Variants in PHF20 observed in about 807,000 individuals in gnomAD.
The protein encoded by PHF20 is PHD finger protein 20.
Under a neutral mutation model 113.5 loss-of-function variants are expected in PHF20, and 23 were observed. The ratio of observed to expected loss-of-function variants is 0.20; its 90% CI spans 0.15 to 0.29. The LOEUF is 0.29. Among genes scored for constraint, PHF20 ranks in the 10% least tolerant of loss-of-function variants. The pLI, the probability that PHF20 is intolerant of heterozygous loss-of-function variation, is 1.00. For synonymous variants in PHF20, 434 were observed against 457.3 expected (o/e 0.95, Z 0.65); for missense variants, 943 against 1,219.6 (o/e 0.77, Z 3.38).
chr20:35,841,235 C>G (rs1342761645), intron 2 of PHF20, among the ~76,000 whole-genome samples: 1 of 151,890 alleles, frequency 6.6e-6, no homozygotes, highest in African/African-American at 2.4e-5. Flanking sequence ...GTCTCAACTA[C>G]TTGGGAGGCT....
intron 1 of PHF20, among the ~76,000 whole-genome samples, chr20:35,797,820 T>G (rs912312571): frequency 2.6e-5 from 4 of 151,562 alleles, no homozygotes; most frequent in Non-Finnish European, 5.9e-5. Flanking sequence ...CCCGGCTAAT[T>G]TTTGTATTTT....
At chr20:35,888,509 A>G (rs2147031309) in intron 9 of PHF20, among the ~76,000 whole-genome samples, 1 of 152,326 alleles carries the variant, frequency 6.6e-6, no homozygotes, top group African/African-American at 2.4e-5. Context: ...CTACTTGGAA[A>G]TAGTGATTTT....
At chr20:35,935,243 G>C (rs969973478) in intron 15 of PHF20, among the ~76,000 whole-genome samples, 2 of 152,166 alleles carry the variant, frequency 1.3e-5, no homozygotes, top group Non-Finnish European at 2.9e-5. Context: ...AGCCTCCTGA[G>C]TAGCTGGGAC....
chr20:35,815,933 A>T (rs986297918), intron 2 of PHF20, among the ~76,000 whole-genome samples: 18 of 152,120 alleles, frequency 1.2e-4, no homozygotes, highest in Admixed American at 1.2e-3. Flanking sequence ...AGCTTTATTG[A>T]GATATAATTG....
chr20:35,811,732 G>A (rs2041981423), intron 2 of PHF20, among the ~76,000 whole-genome samples: 1 of 151,898 alleles, frequency 6.6e-6, no homozygotes, highest in Non-Finnish European at 1.5e-5. Flanking sequence ...GTGCCACTGT[G>A]CCCGGCCCAG....
At chr20:35,854,884 CCTT>C (rs1297155833) in intron 4 of PHF20, among the ~76,000 whole-genome samples, 1 of 152,082 alleles carries the variant, frequency 6.6e-6, no homozygotes, top group Non-Finnish European at 1.5e-5. Context: ...TGTAAGTCCT[CCTT>C]CTGGAATCTG....
chr20:35,797,260 C>T (rs1314512168), intron 1 of PHF20, among the ~76,000 whole-genome samples: 1 of 151,774 alleles, frequency 6.6e-6, no homozygotes, highest in Non-Finnish European at 1.5e-5. Flanking sequence ...TGCCTGTAAT[C>T]CCAGCACTTT....
chr20:35,911,202 G>A (rs922324116), intron 10 of PHF20, among the ~76,000 whole-genome samples: 2 of 151,932 alleles, frequency 1.3e-5, no homozygotes, highest in Non-Finnish European at 2.9e-5. Context: ...TACCACGCCC[G>A]GCTAATTTTT....
chr20:35,885,325 G>T (rs950189852), intron 9 of PHF20, among the ~76,000 whole-genome samples: 2 of 151,948 alleles, frequency 1.3e-5, no homozygotes, highest in African/African-American at 4.8e-5. Flanking sequence ...AAAAATGGGG[G>T]TAAATTTTTT....
At chr20:35,839,173 G>A (rs1600808498) in intron 2 of PHF20, among the ~76,000 whole-genome samples, 2 of 151,756 alleles carry the variant, frequency 1.3e-5, no homozygotes, top group South Asian at 2.1e-4. Context: ...GGCGGATCAC[G>A]AGATCAGGAG....
At chr20:35,783,704 G>A (rs549856357) in intron 1 of PHF20, among the ~76,000 whole-genome samples, 13 of 152,090 alleles carry the variant, frequency 8.5e-5, no homozygotes, top group African/African-American at 2.7e-4. Flanking sequence ...GGGATTGGCC[G>A]GGCATGGTGC....
Position 35,863,096 on chromosome 20 carries a change from A to G in PHF20, c.504A>G (p.Glu168=). The change falls in exon 6 of 18, where the codon GAA becomes GAG. Residue 168 remains glutamate, a synonymous_variant. Transcript: ENST00000374012. ...CTGATAAACGAGAGAAGTTTAAAGA[A>G]CAGAGAAAAGCAACAGTGAATGTGA... ...SSPDKREKFK[E]QRKATVNVKK... is the part of the protein sequence containing the mutation. The G allele has an allele frequency of 6.2e-7, 1 of 1,613,006 alleles. No homozygotes were observed. The highest frequency in any genetic ancestry group is 1.1e-5 in the South Asian group (1 of 90,898).
intron 9 of PHF20, among the ~76,000 whole-genome samples, chr20:35,888,134 C>T (rs1246671659): frequency 6.6e-6 from 1 of 152,048 alleles, no homozygotes; most frequent in Admixed American, 6.6e-5. Flanking sequence ...GCTTGCACCA[C>T]CATGCCCGGC....
chr20:35,844,413 T>G lies in PHF20; in HGVS notation c.255+1669T>G, dbSNP rs899654317. 2.3e-4 allele frequency among the ~76,000 whole-genome samples: 33 copies of G among 143,402 alleles called. 2 individuals carry two copies. Among genetic ancestry groups the G allele is most frequent in the South Asian group, 1.3e-3 (6 of 4,512 alleles). 94.1% of individuals were successfully genotyped at this position (143,402 alleles called of 152,430 possible). ...CACCGCGCCCAGCCGGTTTTTTTTT[T>G]TTGGTTTTTTTTTTTTTTGATAATG... On this transcript the variant is annotated intron_variant, in intron 3 of 17. Transcript: ENST00000374012.
chr20:35,919,706 C>G (rs2055475812), intron 13 of PHF20, among the ~76,000 whole-genome samples: 1 of 152,170 alleles, frequency 6.6e-6, no homozygotes, highest in Admixed American at 6.5e-5. Context: ...TTTCTTGAAA[C>G]ATTGGGACTT....
In PHF20 at chr20:35,934,884, C is replaced by T. The variant is rs141400027; in HGVS notation, c.2300+3440C>T. Among the ~76,000 whole-genome samples, 720 of 152,230 alleles carry T rather than the reference C, an allele frequency of 4.7e-3. 4 individuals are homozygous for T. Among genetic ancestry groups the T allele is most frequent in the African/African-American group, 0.017 (687 of 41,540 alleles). On this transcript the variant is annotated intron_variant, in intron 15 of 17. Transcript: ENST00000374012. ...CCTCACATTTCATAAAACAGGAAAA[C>T]GTAACCCCATGTAAACCAAATGAAT... is the stretch of plus-strand genomic sequence containing the variant.
chr20:35,777,636 T>G (rs2041201463), intron 1 of PHF20, among the ~76,000 whole-genome samples: 1 of 152,064 alleles, frequency 6.6e-6, no homozygotes, highest in Non-Finnish European at 1.5e-5. Flanking sequence ...GGCAACAAAG[T>G]GAGATTCCTG....
At chr20:35,898,842 C>T (rs1043223943) in intron 9 of PHF20, among the ~76,000 whole-genome samples, 1 of 152,142 alleles carries the variant, frequency 6.6e-6, no homozygotes, top group African/African-American at 2.4e-5. Context: ...AACTCCTGAC[C>T]TCAGGCGATC....
chr20:35,833,443 A>G (rs2042387257), intron 2 of PHF20, among the ~76,000 whole-genome samples: 1 of 152,198 alleles, frequency 6.6e-6, no homozygotes, highest in African/African-American at 2.4e-5. Flanking sequence ...CTCCAAATTA[A>G]GAGTTCCCAT....
Sources: allele counts gnomAD v4.1 joint callset (sites outside exome capture counted in the v4.1 genomes callset), GRCh38; gene constraint gnomAD v4.1.1; transcripts MANE v1.5; gene names NCBI Gene and HGNC (gene_info 2026-07-23, HGNC 2026-07-21).